PDZD2: variants seen among roughly 807,000 people sequenced by gnomAD.
PDZD2 encodes the protein PDZ domain containing 2.
Under a neutral mutation model 220.7 loss-of-function variants are expected in PDZD2, and 90 were observed. That is an observed-to-expected ratio of 0.41 (90% CI 0.34 to 0.49). The LOEUF is 0.49. Among genes scored for constraint, PDZD2 ranks in the 20% least tolerant of loss-of-function variants. The pLI, the probability that PDZD2 is intolerant of heterozygous loss-of-function variation, is 0.28. For synonymous variants in PDZD2, 1,375 were observed against 1,450.5 expected, an observed-to-expected ratio of 0.95 and a Z score of 1.18; for missense variants, 3,174 against 3,608.5, an observed-to-expected ratio of 0.88 and a Z score of 3.08.
intron 1 of PDZD2, among the ~76,000 whole-genome samples, chr5:31,731,294 A>T (rs1749523031): frequency 6.6e-6 from 1 of 152,178 alleles, no homozygotes; most frequent in Admixed American, 6.5e-5. Context: ...CGCAGCACAG[A>T]GCCTGCTTAC....
At chr5:31,787,843 A>G (rs763903939) in intron 1 of PDZD2, 7 of 152,052 alleles carry the variant, frequency 4.6e-5, no homozygotes, top group Non-Finnish European at 8.8e-5. Context: ...AATCCATCCT[A>G]TGCTCCCAAG....
chr5:31,862,184 C>T (rs1423086980), intron 2 of PDZD2, among the ~76,000 whole-genome samples: 1 of 150,364 alleles, frequency 6.7e-6, no homozygotes, highest in African/African-American at 2.5e-5. Flanking sequence ...CAGCTCACCC[C>T]AACATCCACC....
At chr5:31,867,268 A>G (rs1292022227) in intron 2 of PDZD2, among the ~76,000 whole-genome samples, 3 of 152,370 alleles carry the variant, frequency 2.0e-5, no homozygotes, top group Admixed American at 6.5e-5. Flanking sequence ...CCTAGACTTC[A>G]GCGCAGCCCC....
intron 2 of PDZD2, among the ~76,000 whole-genome samples, chr5:31,869,086 C>A (rs979175413): frequency 3.9e-5 from 6 of 152,180 alleles, no homozygotes; most frequent in Admixed American, 6.5e-5. Context: ...GGTCAGTTTT[C>A]TTAATGGAGA....
Position 31,983,255 on chromosome 5 carries a change from A to T in PDZD2, c.577A>T (p.Asn193Tyr), listed in dbSNP as rs202231132. The T allele has an allele frequency of 1.4e-4, 233 of 1,614,082 alleles. No homozygotes were observed. Among genetic ancestry groups the T allele is most frequent in the Non-Finnish European group, 1.9e-4 (224 of 1,180,032 alleles). Residue 193 changes from asparagine (N) to tyrosine (Y), a missense_variant, in exon 3 of 25, where the codon AAC becomes TAC. By Grantham distance (143) the Asn-to-Tyr change is moderately radical (BLOSUM62 -2). Transcript: ENST00000438447. ...CTCCACTTATAATGGCAACAGTAGC[A>T]ACAGCTCTGAACCAGGAGAAACACC... ...AHSTYNGNSS[N>Y]SSEPGETPTL... is the part of the protein sequence containing the mutation.
At chr5:31,785,381 T>TTA (rs1037250145) in intron 1 of PDZD2, among the ~76,000 whole-genome samples, 2 of 147,970 alleles carry the variant, frequency 1.4e-5, no homozygotes, top group African/African-American at 4.9e-5. Context: ...TATTATATAT[T>TTA]TATATATATA....
At chr5:31,810,001 A>G (rs182094093) in intron 2 of PDZD2, among the ~76,000 whole-genome samples, 5 of 152,296 alleles carry the variant, frequency 3.3e-5, no homozygotes, top group African/African-American at 1.2e-4. Flanking sequence ...CTCGCTTTTA[A>G]ACTCTTAGCA....
intron 1 of PDZD2, among the ~76,000 whole-genome samples, chr5:31,731,284 C>T (rs1468443109): frequency 2.0e-5 from 3 of 152,124 alleles, no homozygotes; most frequent in Admixed American, 6.6e-5. Flanking sequence ...TGGTACCCAG[C>T]GCAGCACAGA....
chr5:32,024,583 T>C (rs1187326846), intron 6 of PDZD2, among the ~76,000 whole-genome samples: 1 of 151,390 alleles, frequency 6.6e-6, no homozygotes, highest in Non-Finnish European at 1.5e-5. Context: ...TTCAGGAGGC[T>C]GAGGCAGGAG....
At position 32,066,068 on chromosome 5, in the gene PDZD2, C is replaced by T. The variant is rs147579630; in HGVS notation, c.2452-3501C>T. On this transcript the variant is annotated intron_variant, in intron 14 of 24. Transcript: ENST00000438447. ...TCAATCAATCCAAGTACCAGCTGGG[C>T]GCAGTAGCTCACATGTGTAATCCGA... Among the ~76,000 whole-genome samples, 771 of 151,808 alleles carry T rather than the reference C, an allele frequency of 5.1e-3. 8 individuals carry two copies. The highest frequency in any genetic ancestry group is 0.017 in the African/African-American group (710 of 41,344).
At chr5:32,069,738 A>G (rs1394248636) in intron 15 of PDZD2, 88 bp downstream of exon 15, 3 of 705,872 alleles carry the variant, frequency 4.3e-6, no homozygotes, top group Non-Finnish European at 7.7e-6. Flanking sequence ...GTATTATTGG[A>G]TTCTTGGTAA....
At position 31,821,667 on chromosome 5, in the gene PDZD2, C is replaced by T. The variant is rs1205453135; in HGVS notation, c.476+21943C>T. Among the ~76,000 whole-genome samples the T allele has an allele frequency of 3.3e-5, 5 of 152,276 alleles. No individual in the cohort carries two copies. The East Asian group carries it at 9.6e-4, about 29-fold the overall frequency. ...GTGCTGGGGTTACAGGCGTGAGCCA[C>T]TGTGCCCGGCCATGATTTTTTTTTA... On this transcript the variant is annotated intron_variant, in intron 2 of 24. Transcript: ENST00000438447.
At position 31,891,135 on chromosome 5, in the gene PDZD2, T is replaced by A. The variant is rs926160295; in HGVS notation, c.476+91411T>A. Among the ~76,000 whole-genome samples the A allele has an allele frequency of 2.3e-3, 306 of 134,300 alleles. 23 individuals are homozygous for A. The highest frequency in any genetic ancestry group is 6.3e-3 in the African/African-American group (224 of 35,460). The allele number at this position is 134,300 out of a possible 152,430, so 88.1% of individuals were successfully genotyped here. A position where few individuals can be genotyped will look rare whatever the true frequency, so the allele number is the denominator to read the frequency against. ...AAGCTCAGGGGTTTTTCCTTTTTTTTTTTTTTTTTTTTTTTTTTTGAGACG... is the reference window on the plus strand; with the variant it reads ...AAGCTCAGGGGTTTTTCCTTTTTTTATTTTTTTTTTTTTTTTTTTGAGACG... On this transcript the variant is annotated intron_variant, in intron 2 of 24. Transcript: ENST00000438447.
chr5:31,913,271 G>T (rs913829867), intron 2 of PDZD2, among the ~76,000 whole-genome samples: 3 of 151,888 alleles, frequency 2.0e-5, no homozygotes, highest in Non-Finnish European at 4.4e-5. Flanking sequence ...AACCTGGGAG[G>T]TAGAGGTTGC....
intron 2 of PDZD2, among the ~76,000 whole-genome samples, chr5:31,891,497 T>G (rs1351984520): frequency 6.6e-6 from 1 of 152,120 alleles, no homozygotes; most frequent in Non-Finnish European, 1.5e-5. Flanking sequence ...GTATTTTTAG[T>G]AGAGACGAGG....
At chr5:31,666,111 A>C (rs1745977037) in intron 1 of PDZD2, among the ~76,000 whole-genome samples, 2 of 152,228 alleles carry the variant, frequency 1.3e-5, no homozygotes, top group African/African-American at 4.8e-5. Flanking sequence ...TCTAGGGAAT[A>C]AATGGTACAA....
intron 2 of PDZD2, among the ~76,000 whole-genome samples, chr5:31,877,676 C>G (rs1214978378): frequency 6.6e-6 from 1 of 150,538 alleles, no homozygotes; most frequent in East Asian, 2.0e-4. Flanking sequence ...GCTGAAAGGT[C>G]TATTTATTTA....
intron 1 of PDZD2, among the ~76,000 whole-genome samples, chr5:31,763,353 C>G (rs1157420042): frequency 6.6e-6 from 1 of 152,176 alleles, no homozygotes; most frequent in Non-Finnish European, 1.5e-5. Flanking sequence ...GGCACACTGT[C>G]TACCTCAGCC....
chr5:31,836,187 G>A (rs1429874108), intron 2 of PDZD2, among the ~76,000 whole-genome samples: 1 of 144,332 alleles, frequency 6.9e-6, no homozygotes, highest in Non-Finnish European at 1.5e-5. Context: ...GTGTAAGCTT[G>A]TTTCAATGTT....
Sources: allele counts gnomAD v4.1 joint callset (sites outside exome capture counted in the v4.1 genomes callset), GRCh38; gene constraint gnomAD v4.1.1; transcripts MANE v1.5; gene names NCBI Gene and HGNC (gene_info 2026-07-23, HGNC 2026-07-21).